GABRG3: variants seen among roughly 807,000 people sequenced by gnomAD.
GABRG3 encodes the protein gamma-aminobutyric acid receptor subunit gamma-3.
A neutral mutation model predicts 48.8 loss-of-function variants in GABRG3; 25 were observed. The observed-to-expected ratio is 0.51, with a 90% CI of 0.37 to 0.72. The LOEUF (loss-of-function observed/expected upper bound fraction) is 0.72. Among genes scored for constraint, GABRG3 ranks in the 30% least tolerant of loss-of-function variants. GABRG3 has a pLI of 0.00. For synonymous variants in GABRG3, 227 were observed against 217.6 expected (o/e 1.04, Z -0.38); for missense variants, 394 against 577.9 (o/e 0.68, Z 3.26).
chr15:27,196,708 G>A (rs1267982543), intron 3 of GABRG3, among the ~76,000 whole-genome samples: 1 of 152,228 alleles, frequency 6.6e-6, no homozygotes, highest in African/African-American at 2.4e-5. Context: ...ATCCAATGAA[G>A]TAACAGACGC....
intron 3 of GABRG3, among the ~76,000 whole-genome samples, chr15:27,267,637 A>G (rs926730953): frequency 2.0e-5 from 3 of 152,088 alleles, no homozygotes; most frequent in African/African-American, 4.8e-5. Flanking sequence ...GGTTCTCACT[A>G]TATTGCCCAA....
chr15:27,480,658 C>G lies in GABRG3; in HGVS notation c.583C>G (p.Pro195Ala). Residue 195 changes from proline (P) to alanine (A), a missense_variant, in exon 6 of 10, where the codon CCC (proline) becomes GCC (alanine). Physicochemically the swap from Pro to Ala is conservative, Grantham distance 27. This residue lies in a region of GABRG3 where 218 missense variants were observed against 309.9 expected (regional missense o/e 0.70). Coordinates refer to ENST00000615808, the MANE Select transcript of GABRG3 (RefSeq NM_033223.5). ...TTGCTCTGTGTTTTTAGATGGCTAT[C>G]CCAAAGAAGAAATGATTTATAGATG... ...CPLIFSSYGY[P>A]KEEMIYRWRK... 6.2e-7 allele frequency: 1 copy of G among 1,609,686 alleles called. No individual in the cohort carries two copies. The highest frequency in any genetic ancestry group is 8.5e-7 in the Non-Finnish European group (1 of 1,177,656).
At chr15:27,238,577 G>A (rs1208359122) in intron 3 of GABRG3, among the ~76,000 whole-genome samples, 4 of 152,216 alleles carry the variant, frequency 2.6e-5, no homozygotes, top group Admixed American at 6.5e-5. Flanking sequence ...AGGGATGGAT[G>A]ACAGCCCCCA....
At chr15:27,366,750 C>T (rs62001338) in intron 5 of GABRG3, among the ~76,000 whole-genome samples, 2,735 of 152,264 alleles carry the variant, frequency 0.018, 48 homozygotes, top group South Asian at 0.06. Flanking sequence ...CTCCTACATC[C>T]GCTGTAGACC....
intron 5 of GABRG3, among the ~76,000 whole-genome samples, chr15:27,439,520 C>T (rs1017455559): frequency 4.6e-5 from 7 of 152,192 alleles, no homozygotes; most frequent in Non-Finnish European, 8.8e-5. Context: ...CACCATTTCT[C>T]AGGTGTTTAT....
At chr15:27,513,404 G>C (rs1274857137) in intron 6 of GABRG3, among the ~76,000 whole-genome samples, 5 of 151,660 alleles carry the variant, frequency 3.3e-5, no homozygotes, top group Admixed American at 6.6e-5. Context: ...GAGCCAAGAT[G>C]GCGCCAGTGC....
At chr15:27,006,178 GT>G (rs11309210) in intron 2 of GABRG3, among the ~76,000 whole-genome samples, 72,849 of 150,198 alleles carry the variant, frequency 0.49, 18,221 homozygotes, top group Middle Eastern at 0.61. Flanking sequence ...TACATTCCTA[GT>G]TTTTTTTTTG....
intron 3 of GABRG3, among the ~76,000 whole-genome samples, chr15:27,031,090 AC>A (rs1896078996): frequency 6.8e-6 from 1 of 146,674 alleles, no homozygotes; most frequent in Admixed American, 6.7e-5. Flanking sequence ...ACACACACAT[AC>A]AACACATAAC....
At chr15:27,363,271 T>C (rs1170991441) in intron 5 of GABRG3, 2 of 152,108 alleles carry the variant, frequency 1.3e-5, no homozygotes, top group Admixed American at 6.6e-5. Context: ...TTGGGCAAGA[T>C]CTTTATATGT....
chr15:27,190,008 G>C (rs2140421886), intron 3 of GABRG3, among the ~76,000 whole-genome samples: 1 of 152,300 alleles, frequency 6.6e-6, no homozygotes, highest in Admixed American at 6.5e-5. Context: ...CTTTGGTTCT[G>C]TTTATATGCT....
intron 3 of GABRG3, among the ~76,000 whole-genome samples, chr15:27,102,556 G>A (rs1455244100): frequency 6.6e-6 from 1 of 152,152 alleles, no homozygotes; most frequent in Non-Finnish European, 1.5e-5. Flanking sequence ...TTATGGTCGT[G>A]GGGACTGCAT....
At chr15:27,073,862 G>T (rs918700819) in intron 3 of GABRG3, among the ~76,000 whole-genome samples, 1 of 152,216 alleles carries the variant, frequency 6.6e-6, no homozygotes, top group African/African-American at 2.4e-5. Flanking sequence ...CGTGGTGGTT[G>T]TTCACATGGA....
chr15:27,171,916 G>A (rs1323306325), intron 3 of GABRG3, among the ~76,000 whole-genome samples: 1 of 152,180 alleles, frequency 6.6e-6, no homozygotes, highest in African/African-American at 2.4e-5. Context: ...TTTGGAGGCT[G>A]GAAAGTCCAA....
chr15:27,229,150 C>T (rs1412377175), intron 3 of GABRG3, among the ~76,000 whole-genome samples: 2 of 152,118 alleles, frequency 1.3e-5, no homozygotes, highest in Admixed American at 1.3e-4. Context: ...GTTCCTATGT[C>T]CAGGGTGGTA....
At chr15:27,012,072 T>C (rs1052764731) in intron 2 of GABRG3, among the ~76,000 whole-genome samples, 3 of 152,184 alleles carry the variant, frequency 2.0e-5, no homozygotes, top group African/African-American at 4.8e-5. Flanking sequence ...GTAAAGAATA[T>C]TTTAAAATAT....
At chr15:27,296,910 G>A (rs1439218182) in intron 3 of GABRG3, among the ~76,000 whole-genome samples, 1 of 151,420 alleles carries the variant, frequency 6.6e-6, no homozygotes, top group Non-Finnish European at 1.5e-5. Context: ...TCCAGAAGAA[G>A]GCGCTGTTAT....
chr15:27,434,686 C>T (rs1888554514), intron 5 of GABRG3, among the ~76,000 whole-genome samples: 1 of 152,124 alleles, frequency 6.6e-6, no homozygotes, highest in Non-Finnish European at 1.5e-5. Context: ...AGAGCCGGTG[C>T]CACTGGCCAT....
intron 3 of GABRG3, among the ~76,000 whole-genome samples, chr15:27,293,682 AAAAC>A (rs1422517542): frequency 6.6e-6 from 1 of 151,680 alleles, no homozygotes; most frequent in Non-Finnish European, 1.5e-5. Flanking sequence ...TGTCTCAAAA[AAAAC>A]AAACAAAAAA....
chr15:27,088,882 G>T (rs1006349666), intron 3 of GABRG3, among the ~76,000 whole-genome samples: 1 of 152,110 alleles, frequency 6.6e-6, no homozygotes, highest in Non-Finnish European at 1.5e-5. Context: ...GGGAGACGGG[G>T]TGAGCCATGG....
Sources: allele counts gnomAD v4.1 joint callset (sites outside exome capture counted in the v4.1 genomes callset), GRCh38; gene constraint gnomAD v4.1.1; regional missense constraint gnomAD v4.1.1; transcripts MANE v1.5; gene names NCBI Gene and HGNC (gene_info 2026-07-23, HGNC 2026-07-21).